Variants in SLC44A5 observed in about 807,000 individuals in gnomAD.
SLC44A5 encodes the protein choline transporter-like protein 5.
In SLC44A5, 57 loss-of-function variants were observed where a neutral mutation model predicts 101.8. That is an observed-to-expected ratio of 0.56 (90% CI 0.45 to 0.70). SLC44A5 has a LOEUF of 0.70. Among genes scored for constraint, SLC44A5 ranks in the 30% least tolerant of loss-of-function variants. The pLI is 0.00. For missense variants in SLC44A5, 737 were observed against 853.1 expected (o/e 0.86, Z 1.70); for synonymous variants, 281 against 290.9 (o/e 0.97, Z 0.35).
intron 2 of SLC44A5, among the ~76,000 whole-genome samples, chr1:75,481,125 G>A (rs953199626): frequency 3.3e-5 from 5 of 152,038 alleles, no homozygotes; most frequent in Admixed American, 6.6e-5. Flanking sequence ...CTGATCTTTG[G>A]CAAACCTGAG....
chr1:75,335,163 T>C (rs571662468), intron 4 of SLC44A5, among the ~76,000 whole-genome samples: 1 of 152,346 alleles, frequency 6.6e-6, no homozygotes, highest in African/African-American at 2.4e-5. Context: ...AATCTCACTC[T>C]GCGTTCTCTA....
At chr1:75,714,289 C>A in the SLC44A5 span, among the ~76,000 whole-genome samples, 5 of 152,164 alleles carry the variant, frequency 3.3e-5, no homozygotes, top group Non-Finnish European at 7.3e-5. Flanking sequence ...ACCACATGAT[C>A]ATCTCAGTAG....
At chr1:75,370,972 A>G (rs1311012880) in intron 3 of SLC44A5, among the ~76,000 whole-genome samples, 2 of 152,204 alleles carry the variant, frequency 1.3e-5, no homozygotes, top group African/African-American at 4.8e-5. Flanking sequence ...ACTAAGAGGC[A>G]TATTAAGAAA....
intron 1 of SLC44A5, among the ~76,000 whole-genome samples, chr1:75,608,626 C>T (rs1055112181): frequency 6.6e-6 from 1 of 151,978 alleles, no homozygotes; most frequent in Non-Finnish European, 1.5e-5. Flanking sequence ...AGTCTTCCCT[C>T]ATCTTTCTGA....
the SLC44A5 span, among the ~76,000 whole-genome samples, chr1:75,695,243 A>G: frequency 1.3e-5 from 2 of 152,196 alleles, no homozygotes; most frequent in Non-Finnish European, 2.9e-5. Context: ...GAATTTACAA[A>G]CTAGTTCCTG....
chr1:75,486,911 T>C (rs1668182094), intron 2 of SLC44A5, among the ~76,000 whole-genome samples: 1 of 152,238 alleles, frequency 6.6e-6, no homozygotes, highest in African/African-American at 2.4e-5. Context: ...TTCCCAAATA[T>C]ATCATGGAAA....
intron 2 of SLC44A5, among the ~76,000 whole-genome samples, chr1:75,502,704 CT>C (rs1346915212): frequency 7.4e-6 from 1 of 135,384 alleles, no homozygotes; most frequent in African/African-American, 2.7e-5. Flanking sequence ...TCCCTCCCCC[CT>C]CCCCCTACTC....
At chr1:75,470,585 G>A (rs926717549) in intron 2 of SLC44A5, among the ~76,000 whole-genome samples, 1 of 152,174 alleles carries the variant, frequency 6.6e-6, no homozygotes, top group Non-Finnish European at 1.5e-5. Context: ...TAACCCAGAC[G>A]TGAGGGGGAG....
intron 2 of SLC44A5, among the ~76,000 whole-genome samples, chr1:75,478,660 A>G (rs980289037): frequency 3.3e-5 from 5 of 152,178 alleles, no homozygotes; most frequent in Admixed American, 6.5e-5. Context: ...AAAGAAGGCC[A>G]TTACATAATG....
chr1:75,202,304 GT>G lies in SLC44A5; in HGVS notation c.*1422del, dbSNP rs1646678451. The G allele has an allele frequency of 6.6e-6, 1 of 152,144 alleles. No homozygotes were observed. The highest frequency in any genetic ancestry group is 1.5e-5 in the Non-Finnish European group (1 of 68,010). 9.4% of individuals were successfully genotyped at this position (152,144 alleles called of 1,614,324 possible). A position where few individuals can be genotyped will look rare whatever the true frequency, so the allele number is the denominator to read the frequency against. Reference sequence around the variant, plus strand: ...CTCAGACTGTCATGTGCTCATGTGAGTTTATTTTTGGCATAAAAGTATCTAA... The same window carrying G: ...CTCAGACTGTCATGTGCTCATGTGAGTTATTTTTGGCATAAAAGTATCTAA... On this transcript the variant is annotated 3_prime_UTR_variant, in exon 24 of 24. Coordinates refer to ENST00000370859, the MANE Select transcript of SLC44A5 (RefSeq NM_001130058.2).
At chr1:75,367,569 C>T (rs758391907) in intron 3 of SLC44A5, among the ~76,000 whole-genome samples, 1 of 152,182 alleles carries the variant, frequency 6.6e-6, no homozygotes, top group Non-Finnish European at 1.5e-5. Context: ...TCACATACTG[C>T]TTCAGAGTCC....
At chr1:75,544,790 G>A (rs1006593948) in intron 1 of SLC44A5, among the ~76,000 whole-genome samples, 12 of 152,002 alleles carry the variant, frequency 7.9e-5, no homozygotes, top group Non-Finnish European at 1.5e-4. Context: ...CATGTAGTTG[G>A]CATGTCTGTT....
chr1:75,719,213 G>A, the SLC44A5 span, among the ~76,000 whole-genome samples: 2 of 152,170 alleles, frequency 1.3e-5, no homozygotes, highest in African/African-American at 2.4e-5. Flanking sequence ...CTCAAGAAGA[G>A]AGAAATTTGT....
chr1:75,688,100 G>A, the SLC44A5 span, among the ~76,000 whole-genome samples: 2 of 152,166 alleles, frequency 1.3e-5, no homozygotes. Flanking sequence ...GACAAATGGA[G>A]GTGGAAAGGT....
intron 14 of SLC44A5, 146 bp from the exon 15 acceptor site, chr1:75,220,038 T>A (rs1479511742): frequency 2.0e-6 from 1 of 505,178 alleles, no homozygotes; most frequent in African/African-American, 2.0e-5. Context: ...ACATTTTTAT[T>A]TATTTATTTA....
the SLC44A5 span, among the ~76,000 whole-genome samples, chr1:75,678,300 C>T: frequency 6.6e-6 from 1 of 152,168 alleles, no homozygotes; most frequent in Non-Finnish European, 1.5e-5. Flanking sequence ...GGCTCCACCT[C>T]TGGGGGCAGG....
At chr1:75,683,012 C>T in the SLC44A5 span, among the ~76,000 whole-genome samples, 7 of 151,840 alleles carry the variant, frequency 4.6e-5, no homozygotes, top group Admixed American at 3.9e-4. Context: ...AAAATGCTCA[C>T]CATCACTGGC....
At chr1:75,303,576 C>T (rs1054603629) in intron 4 of SLC44A5, among the ~76,000 whole-genome samples, 4 of 152,198 alleles carry the variant, frequency 2.6e-5, no homozygotes, top group African/African-American at 7.2e-5. Flanking sequence ...TCACTACTTG[C>T]ACTAATGAAT....
intron 5 of SLC44A5, among the ~76,000 whole-genome samples, chr1:75,298,004 A>G (rs1268691353): frequency 1.3e-5 from 2 of 152,256 alleles, no homozygotes; most frequent in Non-Finnish European, 2.9e-5. Context: ...CCATGGAAAC[A>G]CTTCTTTATG....
Sources: allele counts gnomAD v4.1 joint callset (sites outside exome capture counted in the v4.1 genomes callset), GRCh38; gene constraint gnomAD v4.1.1; transcripts MANE v1.5; gene names NCBI Gene and HGNC (gene_info 2026-07-23, HGNC 2026-07-21).